The following VPS39 variants were observed in gnomAD, a reference collection of about 807,000 sequenced individuals.
The protein encoded by VPS39 is vam6/Vps39-like protein.
In VPS39, 70 loss-of-function variants were observed where a neutral mutation model predicts 121.0. The ratio of observed to expected loss-of-function variants is 0.58; its 90% CI spans 0.48 to 0.71. The LOEUF (loss-of-function observed/expected upper bound fraction) is 0.71, where lower values mean the gene tolerates loss of function less well. VPS39 is among the 30% of genes least tolerant of loss of function. The pLI is 0.00. For synonymous variants in VPS39, 378 were observed against 398.1 expected, an observed-to-expected ratio of 0.95 and a Z score of 0.60; for missense variants, 818 against 1,051.5, an observed-to-expected ratio of 0.78 and a Z score of 3.07.
chr15:42,173,459 T>C (rs979424638), intron 11 of VPS39, among the ~76,000 whole-genome samples: 1 of 152,258 alleles, frequency 6.6e-6, no homozygotes, highest in Non-Finnish European at 1.5e-5. Flanking sequence ...ACTGAATGAC[T>C]TTCTGCTACC....
intron 8 of VPS39, among the ~76,000 whole-genome samples, chr15:42,182,932 A>G (rs2049613835): frequency 6.6e-6 from 1 of 152,182 alleles, no homozygotes; most frequent in Admixed American, 6.5e-5. Context: ...AGGGAAAACA[A>G]GGTCGCCTAG....
At chr15:42,171,452 A>G (rs2049346553) in intron 11 of VPS39, among the ~76,000 whole-genome samples, 1 of 152,214 alleles carries the variant, frequency 6.6e-6, no homozygotes. Context: ...AACTGAGGAT[A>G]CTACAGGGCT....
chr15:42,187,043 G>T (rs560513327), intron 7 of VPS39, among the ~76,000 whole-genome samples: 1 of 152,266 alleles, frequency 6.6e-6, no homozygotes, highest in Admixed American at 6.5e-5. Flanking sequence ...TACACACTGT[G>T]GATCATCATT....
chr15:42,162,097 C>G lies in VPS39; in HGVS notation c.2395G>C (p.Glu799Gln). The G allele has an allele frequency of 6.2e-7, 1 of 1,614,210 alleles. No individual in the cohort carries two copies. The highest frequency in any genetic ancestry group is 8.5e-7 in the Non-Finnish European group (1 of 1,180,038). The change falls in exon 23 of 25, where the codon GAA becomes CAA. Residue 799 changes from glutamate to glutamine, a missense_variant. Physicochemically the swap from Glu to Gln is conservative, Grantham distance 29. Transcript: ENST00000318006. Reference sequence around the variant, plus strand: ...TTGAACCGTTTCTTTTGTGCATTTTCTTCCAAGACCTTTTCCAGGAAGATG... The same window carrying G: ...TTGAACCGTTTCTTTTGTGCATTTTGTTCCAAGACCTTTTCCAGGAAGATG... The part of the protein sequence containing the change: ...IRIFLEKVLE[E>Q]NAQKKRFNQV...
At chr15:42,199,104 T>G (rs902434698) in intron 2 of VPS39, among the ~76,000 whole-genome samples, 3 of 152,040 alleles carry the variant, frequency 2.0e-5, no homozygotes, top group African/African-American at 7.2e-5. Context: ...ATATATTATA[T>G]TGAAGGGTAT....
intron 10 of VPS39, 105 bp from the exon 11 acceptor site, chr15:42,173,957 A>G (rs558425907): frequency 7.1e-7 from 1 of 1,417,742 alleles, no homozygotes; most frequent in Middle Eastern, 2.0e-4. Context: ...ACCAAAGTGT[A>G]CAAGACAAGG....
At position 42,164,425 on chromosome 15, in the gene VPS39, G is replaced by A; in HGVS notation, c.1959C>T (p.Leu653=). The part of the protein sequence containing the change: ...EGELGEYRQK[L]LMFLEISSYY... ...AGCTGGAAATCTCCAAGAACATGAGGAGCTTTTGCCGGTATTCTCCCAGCT... is the reference window on the plus strand; with the variant it reads ...AGCTGGAAATCTCCAAGAACATGAGAAGCTTTTGCCGGTATTCTCCCAGCT... Residue 653 remains leucine, a synonymous_variant, in exon 19 of 25, where the codon CTC becomes CTT. Coordinates refer to ENST00000318006, the MANE Select transcript of VPS39 (RefSeq NM_015289.5). 2 of 1,614,188 alleles carry A rather than the reference G, an allele frequency of 1.2e-6. No individual in the cohort carries two copies. The highest frequency in any genetic ancestry group is 1.7e-6 in the Non-Finnish European group (2 of 1,180,016).
At chr15:42,170,770 T>TTTTTTTG (rs2049332485) in intron 11 of VPS39, among the ~76,000 whole-genome samples, 17 of 141,200 alleles carry the variant, frequency 1.2e-4, no homozygotes, top group East Asian at 2.1e-4. Flanking sequence ...TTTTTTTTTT[T>TTTTTTTG]GAGACAGGGT....
intron 1 of VPS39, 32 bp from the exon 2 acceptor site, chr15:42,199,993 C>CAAA (rs369346169): frequency 1.3e-6 from 2 of 1,506,246 alleles, no homozygotes; most frequent in African/African-American, 3.1e-5. Context: ...AAAACAAAAA[C>CAAA]AAAAAAAAAC....
rs2050214547 is a variant in VPS39, at chr15:42,208,085, G to A, written c.69C>T (p.Ala23=). Residue 23 remains alanine (A), a synonymous_variant, in exon 1 of 25, where the codon GCC becomes GCT. Coordinates refer to ENST00000318006, the MANE Select transcript of VPS39 (RefSeq NM_015289.5). Reference sequence around the variant, plus strand: ...CCCCGCGGCCCCTCGGCTCACCCCAGGCAGCCAGACAGTCGATTTGCAGAG... The same window carrying A: ...CCCCGCGGCCCCTCGGCTCACCCCAAGCAGCCAGACAGTCGATTTGCAGAG... ...KLPLQIDCLA[A]WEEWLLVGTK... is the part of the protein sequence containing the mutation. 5.7e-6 allele frequency: 9 copies of A among 1,582,236 alleles called. No individual in the cohort carries two copies. Among genetic ancestry groups the A allele is most frequent in the Non-Finnish European group, 7.7e-6 (9 of 1,163,576 alleles).
intron 21 of VPS39, among the ~76,000 whole-genome samples, chr15:42,163,053 T>A (rs980465887): frequency 1.8e-4 from 28 of 152,162 alleles, no homozygotes; most frequent in African/African-American, 6.8e-4. Flanking sequence ...ATATAGTACA[T>A]CAGAACCATG....
intron 19 of VPS39, among the ~76,000 whole-genome samples, chr15:42,164,071 T>C (rs1007734601): frequency 6.6e-6 from 1 of 152,100 alleles, no homozygotes; most frequent in Non-Finnish European, 1.5e-5. Context: ...TTATGCCAGA[T>C]TACAAAAACT....
chr15:42,180,121 A>G (rs2049551363), intron 8 of VPS39, among the ~76,000 whole-genome samples: 1 of 148,344 alleles, frequency 6.7e-6, no homozygotes, highest in Admixed American at 6.8e-5. Context: ...GTTTTTATAA[A>G]TTACCTAGTC....
rs545387443 is a variant in VPS39, at chr15:42,184,636, G to A, written c.599C>T (p.Ala200Val). The A allele has an allele frequency of 3.1e-6, 5 of 1,614,126 alleles. No homozygotes were observed. In the East Asian group the frequency reaches 1.1e-4, roughly 36 times the overall value. ...AGCCACTTTTCCATCTGCCAGAGGT[G>A]CAACTAAGGGCTCCAGCTGTTTTCC... ...PTGKQLEPLV[A>V]PLADGKVAVG... The change falls in exon 8 of 25, where the codon GCA becomes GTA. Residue 200 changes from alanine to valine, a missense_variant. Ala to Val is a moderately conservative substitution (Grantham distance 64, BLOSUM62 0). Coordinates refer to ENST00000318006, the MANE Select transcript of VPS39 (RefSeq NM_015289.5).
chr15:42,166,737 G>C lies in VPS39; in HGVS notation c.1519+35C>G, dbSNP rs748476302. On this transcript the variant is annotated intron_variant, in intron 14 of 24. Coordinates refer to ENST00000318006, the MANE Select transcript of VPS39 (RefSeq NM_015289.5). Reference sequence around the variant, plus strand: ...AGTGGGTTTCCCCTGCCATGTACAAGAGCCCCTCCCAGATCCAAGGAACCA... The same window carrying C: ...AGTGGGTTTCCCCTGCCATGTACAACAGCCCCTCCCAGATCCAAGGAACCA... 1.9e-6 allele frequency: 3 copies of C among 1,613,428 alleles called. No individual in the cohort carries two copies. The African/African-American group carries it at 4.0e-5, about 22-fold the overall frequency.
At chr15:42,174,674 G>T (rs529385827) in intron 10 of VPS39, among the ~76,000 whole-genome samples, 1 of 152,230 alleles carries the variant, frequency 6.6e-6, no homozygotes, top group African/African-American at 2.4e-5. Context: ...CCTAAACTGA[G>T]ACATAACGGA....
intron 1 of VPS39, among the ~76,000 whole-genome samples, chr15:42,204,295 TG>T (rs1404494840): frequency 6.6e-5 from 10 of 152,260 alleles, no homozygotes; most frequent in Admixed American, 6.5e-4. Flanking sequence ...TCCTGGGCCC[TG>T]CACATGGAGA....
At position 42,166,907 on chromosome 15, in the gene VPS39, C is replaced by T. The variant is rs61761617; in HGVS notation, c.1384G>A (p.Val462Met). The change falls in exon 14 of 25, where the codon GTG becomes ATG. Residue 462 changes from valine (V) to methionine (M), a missense_variant. By Grantham distance (21) the Val-to-Met change is conservative. Coordinates refer to ENST00000318006, the MANE Select transcript of VPS39 (RefSeq NM_015289.5). ...TLLKCYLHTN[V>M]ALVAPLLRLE... ...CGTAGCAAGGGGGCCACCAGGGCCA[C>T]ATTTGTCTGCAGAAAGAGCAGGAGT... The T allele has an allele frequency of 5.4e-4, 868 of 1,614,194 alleles. 1 individual carries two copies. Among genetic ancestry groups the T allele is most frequent in the Non-Finnish European group, 6.9e-4 (819 of 1,180,042 alleles).
chr15:42,167,582 C>T (rs748316154), intron 12 of VPS39, 45 bp from the exon 13 acceptor site: 2 of 1,602,278 alleles, frequency 1.2e-6, no homozygotes, highest in East Asian at 4.5e-5. Flanking sequence ...CTAAGTCTTC[C>T]TTTGTCATCT....
Sources: allele counts gnomAD v4.1 joint callset (sites outside exome capture counted in the v4.1 genomes callset), GRCh38; gene constraint gnomAD v4.1.1; transcripts MANE v1.5; gene names NCBI Gene and HGNC (gene_info 2026-07-23, HGNC 2026-07-21).